Variants in FANK1 observed in about 807,000 individuals in gnomAD.
FANK1 encodes the protein fibronectin type III and ankyrin repeat domains 1.
Under a neutral mutation model 45.3 loss-of-function variants are expected in FANK1, and 44 were observed. The observed-to-expected ratio is 0.97, with a 90% CI of 0.76 to 1.25. FANK1 has a LOEUF of 1.25. Ranked by LOEUF, FANK1 falls within the 50% of genes most tolerant of loss-of-function variation. The pLI is 0.00. For synonymous variants in FANK1, 149 were observed against 152.5 expected (o/e 0.98, Z 0.17); for missense variants, 391 against 424.4 (o/e 0.92, Z 0.69).
At chr10:125,995,343 A>T (rs1325723872) in intron 3 of FANK1, 74 bp from the exon 4 acceptor site, 1 of 1,395,124 alleles carries the variant, frequency 7.2e-7, no homozygotes, top group African/African-American at 1.4e-5. Context: ...CCTGAAGGCC[A>T]CAGGAGGACG....
intron 1 of FANK1, among the ~76,000 whole-genome samples, chr10:125,975,645 G>C (rs2134196427): frequency 6.6e-6 from 1 of 152,268 alleles, no homozygotes; most frequent in African/African-American, 2.4e-5. Flanking sequence ...TAATGGGGTT[G>C]TTTATTTTTC....
At chr10:125,947,259 A>C (rs1364708438) in intron 1 of FANK1, among the ~76,000 whole-genome samples, 3 of 150,584 alleles carry the variant, frequency 2.0e-5, no homozygotes, top group Admixed American at 6.6e-5. Flanking sequence ...ATTCACACAT[A>C]ACAATATTAA....
intron 1 of FANK1, among the ~76,000 whole-genome samples, chr10:125,943,911 A>T (rs937625158): frequency 2.6e-5 from 4 of 152,244 alleles, no homozygotes; most frequent in African/African-American, 9.6e-5. Flanking sequence ...TGATAAAGCG[A>T]ACTGCGTCCA....
intron 1 of FANK1, among the ~76,000 whole-genome samples, chr10:125,952,138 T>A (rs1949275471): frequency 6.6e-6 from 1 of 152,216 alleles, no homozygotes; most frequent in South Asian, 2.1e-4. Context: ...GTTGTAATAT[T>A]TGGTGTTTGT....
At chr10:125,991,611 A>G (rs1564954522) in intron 3 of FANK1, among the ~76,000 whole-genome samples, 1 of 152,176 alleles carries the variant, frequency 6.6e-6, no homozygotes, top group African/African-American at 2.4e-5. Flanking sequence ...AGAGGCATGC[A>G]CTTTGTTTGA....
intron 1 of FANK1, among the ~76,000 whole-genome samples, chr10:125,951,357 C>T (rs753009220): frequency 1.5e-4 from 23 of 152,000 alleles, no homozygotes; most frequent in Non-Finnish European, 2.5e-4. Flanking sequence ...TTAAACAAAT[C>T]CTTTATGTTC....
intron 6 of FANK1, among the ~76,000 whole-genome samples, chr10:126,001,291 A>T (rs1952737100): frequency 6.6e-6 from 1 of 152,244 alleles, no homozygotes; most frequent in Admixed American, 6.5e-5. Context: ...TATTCATATG[A>T]TGGAATATTT....
intron 2 of FANK1, among the ~76,000 whole-genome samples, chr10:125,982,916 C>CTTTTTTT (rs4019626): frequency 6.8e-6 from 1 of 146,844 alleles, no homozygotes. Context: ...GACTTTATTC[C>CTTTTTTT]TTTTTTTTTT....
At position 125,981,843 on chromosome 10, in the gene FANK1, G is replaced by A. The variant is rs1294415352; in HGVS notation, c.191+1505G>A. On this transcript the variant is annotated intron_variant, in intron 2 of 10. Transcript: ENST00000368693. ...ACTTTCCTGGCCTTTTCTCAAGTTTGCATTGTGATAAAAGTGCTGACATGA... is the reference window on the plus strand; with the variant it reads ...ACTTTCCTGGCCTTTTCTCAAGTTTACATTGTGATAAAAGTGCTGACATGA... 3.3e-5 allele frequency among the ~76,000 whole-genome samples: 5 copies of A among 152,228 alleles called. No individual in the cohort carries two copies. The East Asian group carries it at 7.7e-4, about 24-fold the overall frequency.
rs776986165 is a variant in FANK1, at chr10:126,008,561, C to T, written c.849+11C>T. The T allele has an allele frequency of 2.5e-6, 4 of 1,594,582 alleles. No homozygotes were observed. Among genetic ancestry groups the T allele is most frequent in the Non-Finnish European group, 3.4e-6 (4 of 1,173,614 alleles). On this transcript the variant is annotated intron_variant, in intron 8 of 10. Coordinates refer to ENST00000368693, the MANE Select transcript of FANK1 (RefSeq NM_145235.5). ...AAGACGCCCCTTATGGTAGGTCCTC[C>T]TCCCGAAAATAGGCAGTTTTCTACG...
intron 5 of FANK1, 123 bp from the exon 6 acceptor site, chr10:125,997,297 G>A (rs762511496): frequency 1.6e-6 from 1 of 609,260 alleles, no homozygotes; most frequent in African/African-American, 1.9e-5. Flanking sequence ...GGCTTCTGAA[G>A]GTGCAGAAGA....
At chr10:125,914,798 T>C (rs972342274) in intron 1 of FANK1, among the ~76,000 whole-genome samples, 1 of 152,074 alleles carries the variant, frequency 6.6e-6, no homozygotes, top group African/African-American at 2.4e-5. Flanking sequence ...AAGGTTTGAG[T>C]CACCGTAGAA....
intron 5 of FANK1, among the ~76,000 whole-genome samples, chr10:125,996,871 TA>T (rs1952371222): frequency 6.6e-6 from 1 of 152,174 alleles, no homozygotes; most frequent in Admixed American, 6.5e-5. Flanking sequence ...ACATGCAATA[TA>T]TTTTTTATGT....
intron 1 of FANK1, among the ~76,000 whole-genome samples, chr10:125,968,382 C>T (rs7895450): frequency 0.78 from 118,104 of 152,074 alleles, 46,270 homozygotes; most frequent in African/African-American, 0.81. Context: ...GTCATCTTCA[C>T]TGTGGACCAT....
At chr10:125,918,602 A>G (rs76745800) in intron 1 of FANK1, among the ~76,000 whole-genome samples, 1 of 134,504 alleles carries the variant, frequency 7.4e-6, no homozygotes, top group African/African-American at 2.8e-5. Context: ...ATATATATAT[A>G]TATATAGTTA....
intron 1 of FANK1, among the ~76,000 whole-genome samples, chr10:125,969,317 G>A (rs1198279998): frequency 6.6e-6 from 1 of 150,746 alleles, no homozygotes; most frequent in African/African-American, 2.4e-5. Flanking sequence ...GATGAAATTA[G>A]TTGGTTAAAT....
chr10:125,930,389 T>A (rs1264194308), intron 1 of FANK1, among the ~76,000 whole-genome samples: 1 of 151,898 alleles, frequency 6.6e-6, no homozygotes, highest in Non-Finnish European at 1.5e-5. Flanking sequence ...CCAGCTGGAG[T>A]GCAGTGGCAT....
chr10:125,940,615 G>C (rs1948389955), intron 1 of FANK1, among the ~76,000 whole-genome samples: 1 of 152,062 alleles, frequency 6.6e-6, no homozygotes, highest in African/African-American at 2.4e-5. Flanking sequence ...TCAACCTCAA[G>C]AGGCCTTCCT....
chr10:125,959,161 C>A (rs1256711507), intron 1 of FANK1, among the ~76,000 whole-genome samples: 1 of 151,968 alleles, frequency 6.6e-6, no homozygotes, highest in Non-Finnish European at 1.5e-5. Flanking sequence ...CTTTGGGAGG[C>A]CAAGGTGTGT....
Sources: allele counts gnomAD v4.1 joint callset (sites outside exome capture counted in the v4.1 genomes callset), GRCh38; gene constraint gnomAD v4.1.1; transcripts MANE v1.5; gene names NCBI Gene and HGNC (gene_info 2026-07-23, HGNC 2026-07-21).